PHF19: variants seen among roughly 807,000 people sequenced by gnomAD.
PHF19 encodes the protein PHD finger protein 19.
In PHF19, 21 loss-of-function variants were observed where a neutral mutation model predicts 79.8. The observed-to-expected ratio is 0.26, with a 90% CI of 0.19 to 0.38. PHF19 has a LOEUF of 0.38. Among genes scored for constraint, PHF19 ranks in the 10% least tolerant of loss-of-function variants. The pLI is 1.00. For missense variants in PHF19, 445 were observed against 744.2 expected, an observed-to-expected ratio of 0.60 and a Z score of 4.68; for synonymous variants, 273 against 296.3, an observed-to-expected ratio of 0.92 and a Z score of 0.81.
intron 1 of PHF19, among the ~76,000 whole-genome samples, chr9:120,893,529 C>T (rs931277379): frequency 6.6e-5 from 10 of 152,388 alleles, no homozygotes; most frequent in Non-Finnish European, 8.8e-5. Flanking sequence ...CTGGAAGCCT[C>T]TGGCAGTTTT....
chr9:120,863,192 G>A (rs1433398907), intron 10 of PHF19, among the ~76,000 whole-genome samples: 1 of 150,234 alleles, frequency 6.7e-6, no homozygotes, highest in Non-Finnish European at 1.5e-5. Flanking sequence ...ACCCTCTTTA[G>A]TACAAGAGGC....
At position 120,869,548 on chromosome 9, in the gene PHF19, G is replaced by A; in HGVS notation, c.466-218C>T. 3 of 1,431,062 alleles carry A rather than the reference G, an allele frequency of 2.1e-6. No individual in the cohort carries two copies. Among genetic ancestry groups the A allele is most frequent in the South Asian group, 1.5e-5 (1 of 68,066 alleles). 88.6% of individuals were successfully genotyped at this position (1,431,062 alleles called of 1,614,324 possible). On this transcript the variant is annotated intron_variant, in intron 5 of 14. Transcript: ENST00000373896. This position sits in a 1 kb window ranked among gnomAD's most constrained non-coding sequence, Gnocchi z 5.8. ...GATAACAGAATTAAGAGTAATAAGC[G>A]CAATAAAGGCAACAATTACCAACAT...
chr9:120,865,545 T>G (rs1341986587), intron 9 of PHF19, among the ~76,000 whole-genome samples, 165 bp downstream of exon 9: 2 of 152,018 alleles, frequency 1.3e-5, no homozygotes, highest in Non-Finnish European at 2.9e-5. Context: ...ACTGCCAAAA[T>G]CTGGGATTAG....
In PHF19 at chr9:120,860,874, G is replaced by A. The variant is rs2045500759; in HGVS notation, c.1304+215C>T. Reference sequence around the variant, plus strand: ...GAGCAAGCATCAAACAGCATGGTGAGTGTGGATAACCATGGGGCAAGGTGG... The same window carrying A: ...GAGCAAGCATCAAACAGCATGGTGAATGTGGATAACCATGGGGCAAGGTGG... On this transcript the variant is annotated intron_variant, in intron 13 of 14. Transcript: ENST00000373896. The surrounding 1 kb of genome is among the most constrained non-coding windows in gnomAD (Gnocchi z 4.1). 2 of 531,358 alleles carry A rather than the reference G, an allele frequency of 3.8e-6. No individual in the cohort carries two copies. Among genetic ancestry groups the A allele is most frequent in the Admixed American group, 6.2e-5 (2 of 32,520 alleles). 32.9% of individuals were successfully genotyped at this position (531,358 alleles called of 1,614,324 possible). A position where few individuals can be genotyped will look rare whatever the true frequency, so the allele number is the denominator to read the frequency against.
At chr9:120,861,291 G>C (rs1326952882) in intron 12 of PHF19, 117 bp from the exon 13 acceptor site, 2 of 747,212 alleles carry the variant, frequency 2.7e-6, no homozygotes, top group Non-Finnish European at 4.9e-6. Flanking sequence ...CCTAGGGTAA[G>C]ACCATCACCT....
intron 1 of PHF19, among the ~76,000 whole-genome samples, chr9:120,885,070 T>C (rs1469324942): frequency 1.3e-5 from 2 of 151,632 alleles, no homozygotes; most frequent in Non-Finnish European, 2.9e-5. Context: ...TAAAAATAAA[T>C]TAGCTGGGGT....
At chr9:120,882,754 A>G (rs2131584802) in intron 1 of PHF19, among the ~76,000 whole-genome samples, 1 of 150,746 alleles carries the variant, frequency 6.6e-6, no homozygotes, top group African/African-American at 2.4e-5. Context: ...AGGCAGGAGA[A>G]TCTCTTGAGC....
At chr9:120,896,451 C>CTTT (rs71370604), upstream of PHF19, among the ~76,000 whole-genome samples, 7 of 82,712 alleles carry the variant, frequency 8.5e-5, no homozygotes, top group African/African-American at 2.3e-4. Flanking sequence ...TTTTTTTTTT[C>CTTT]TTTTTTTTTT....
At chr9:120,884,989 G>A (rs2046243015) in intron 1 of PHF19, among the ~76,000 whole-genome samples, 2 of 152,166 alleles carry the variant, frequency 1.3e-5, no homozygotes, top group South Asian at 4.1e-4. Flanking sequence ...GGAGGTTGAG[G>A]TGGGAGAATC....
intron 9 of PHF19, among the ~76,000 whole-genome samples, chr9:120,865,480 C>T (rs558664045): frequency 1.3e-5 from 2 of 152,346 alleles, no homozygotes; most frequent in East Asian, 1.9e-4. Context: ...TCCAGCCAGA[C>T]TTGATCTAGG....
At chr9:120,887,647 C>CACAG (rs2046285091) in intron 1 of PHF19, among the ~76,000 whole-genome samples, 1 of 44,824 alleles carries the variant, frequency 2.2e-5, no homozygotes, top group African/African-American at 4.8e-5. Context: ...CACACACACA[C>CACAG]ACACAGACAC....
chr9:120,896,363 A>C (rs1425850727), upstream of PHF19, among the ~76,000 whole-genome samples: 1 of 150,988 alleles, frequency 6.6e-6, no homozygotes, highest in Admixed American at 6.6e-5. Context: ...TGAGGCACAG[A>C]TTAGAACCCT....
chr9:120,861,016 G>C (rs930649679), intron 13 of PHF19, 73 bp downstream of exon 13: 1 of 884,264 alleles, frequency 1.1e-6, no homozygotes, highest in Non-Finnish European at 1.9e-6. Flanking sequence ...CCTTTTAACT[G>C]AGGGCTTGGC....
rs1008034515 is a variant in PHF19, at chr9:120,857,457, C to G, written c.*487G>C. The G allele has an allele frequency of 6.5e-6, 1 of 154,590 alleles. No homozygotes were observed. The highest frequency in any genetic ancestry group is 1.4e-5 in the Non-Finnish European group (1 of 69,798). The allele number at this position is 154,590 out of a possible 1,614,324, so 9.6% of individuals were successfully genotyped here. On this transcript the variant is annotated 3_prime_UTR_variant, in exon 15 of 15. Coordinates refer to ENST00000373896, the MANE Select transcript of PHF19 (RefSeq NM_015651.3). The stretch of plus-strand genomic sequence containing the variant: ...CACTGAGCAGCATCCTCTTATCCAC[C>G]TTCTCCCATGCTCTCTCAAAGGTGC...
intron 1 of PHF19, 21 bp downstream of exon 1, chr9:120,877,070 G>T (rs2046084416): frequency 2.0e-6 from 2 of 985,356 alleles, no homozygotes; most frequent in Non-Finnish European, 2.4e-6. Flanking sequence ...CGGGGAGTCC[G>T]CCCAACAGCG....
In PHF19 at chr9:120,869,306, C is replaced by T. The variant is rs1159045318; in HGVS notation, c.490G>A (p.Ala164Thr). 1 of 1,612,602 alleles carries T rather than the reference C, an allele frequency of 6.2e-7. No individual in the cohort carries two copies. Among genetic ancestry groups the T allele is most frequent in the Admixed American group, 1.7e-5 (1 of 59,920 alleles). Residue 164 changes from alanine (A) to threonine (T), a missense_variant, in exon 6 of 15, where the codon GCC becomes ACC. By Grantham distance (58) the Ala-to-Thr change is moderately conservative. This residue lies in a region of PHF19 where 167 missense variants were observed against 375.8 expected (regional missense o/e 0.44). Coordinates refer to ENST00000373896, the MANE Select transcript of PHF19 (RefSeq NM_015651.3). This position sits in a 1 kb window ranked among gnomAD's most constrained non-coding sequence, Gnocchi z 5.8. ...ACGGCCTGCAGCGTCCTGGCGATGG[C>T]GCCCTTCTTCAGCGCGCCGCCTTTC... ...VRKGGALKKGAIARTLQAVKM... is the reference protein window; with the variant it reads ...VRKGGALKKGTIARTLQAVKM...
intron 6 of PHF19, among the ~76,000 whole-genome samples, chr9:120,867,317 A>C (rs2045733488): frequency 6.6e-6 from 1 of 152,198 alleles, no homozygotes; most frequent in Non-Finnish European, 1.5e-5. Flanking sequence ...CCATTTCTGG[A>C]CTTGCTGCTT....
Position 120,874,114 on chromosome 9 carries a change from T to C in PHF19, c.187-54A>G. 1 of 909,430 alleles carries C rather than the reference T, an allele frequency of 1.1e-6. No individual in the cohort carries two copies. The highest frequency in any genetic ancestry group is 1.8e-6 in the Non-Finnish European group (1 of 555,966). The allele number at this position is 909,430 out of a possible 1,614,324, so 56.3% of individuals were successfully genotyped here. Reference sequence around the variant, plus strand: ...AGAAAGGGCTGGGGAAAAGCCAACCTGGAACATAGTCTTCCTCCCCCATTT... The same window carrying C: ...AGAAAGGGCTGGGGAAAAGCCAACCCGGAACATAGTCTTCCTCCCCCATTT... On this transcript the variant is annotated intron_variant, in intron 2 of 14. Coordinates refer to ENST00000373896, the MANE Select transcript of PHF19 (RefSeq NM_015651.3). The surrounding 1 kb of genome is among the most constrained non-coding windows in gnomAD (Gnocchi z 4.5).
chr9:120,896,386 C>T (rs59804586), upstream of PHF19, among the ~76,000 whole-genome samples: 12 of 148,688 alleles, frequency 8.1e-5, no homozygotes, highest in African/African-American at 1.5e-4. Context: ...AGCTTGGGTT[C>T]TGAACCATGA....
Sources: gnomAD v4.1 joint callset for allele counts (sites outside exome capture counted in the v4.1 genomes callset) on GRCh38, gnomAD v4.1.1 for gene constraint, gnomAD v4.1.1 regional missense constraint, Gnocchi (gnomAD v3.1) non-coding constraint, MANE v1.5 for transcripts, NCBI Gene and HGNC (gene_info 2026-07-23, HGNC 2026-07-21) for gene names.